Variants in CLASP2 observed in about 807,000 individuals in gnomAD.
CLASP2 encodes the protein cytoplasmic linker associated protein 2, also known as CLIP-associating protein 2.
Under a neutral mutation model 194.4 loss-of-function variants are expected in CLASP2, and 47 were observed. That is an observed-to-expected ratio of 0.24 (90% CI 0.19 to 0.31). CLASP2 has a LOEUF of 0.31. Ranked by LOEUF, CLASP2 falls within the 10% of genes least tolerant of loss-of-function variation. CLASP2 has a pLI of 1.00. For synonymous variants in CLASP2, 619 were observed against 633.5 expected (o/e 0.98, Z 0.34); for missense variants, 1,445 against 1,823.6 (o/e 0.79, Z 3.78).
At chr3:33,560,288 G>A (rs2061604398) in intron 28 of CLASP2, among the ~76,000 whole-genome samples, 2 of 148,474 alleles carry the variant, frequency 1.3e-5, no homozygotes, top group South Asian at 2.1e-4. Context: ...TGTTGCCCAC[G>A]CTGGAGTGCA....
chr3:33,638,993 T>G lies in CLASP2; in HGVS notation c.862+5764A>C, dbSNP rs1359491134. Among the ~76,000 whole-genome samples the G allele has an allele frequency of 2.0e-5, 3 of 152,284 alleles. No individual in the cohort carries two copies. In the South Asian group the frequency reaches 6.2e-4, roughly 32 times the overall value. ...CCAAAATGCTAACAATAATTAACACTAGTTGGCAGAATAATGGGCAGGTAC... is the reference window on the plus strand; with the variant it reads ...CCAAAATGCTAACAATAATTAACACGAGTTGGCAGAATAATGGGCAGGTAC... On this transcript the variant is annotated intron_variant, in intron 8 of 38. Transcript: ENST00000682230.
chr3:33,659,564 T>G, intron 7 of CLASP2: 1 of 236,272 alleles, frequency 4.2e-6, no homozygotes, highest in South Asian at 1.5e-4. Flanking sequence ...TAGCCCAGTT[T>G]CCATGATTAA....
At chr3:33,648,977 C>T (rs1447699529) in intron 7 of CLASP2, among the ~76,000 whole-genome samples, 3 of 152,240 alleles carry the variant, frequency 2.0e-5, no homozygotes, top group East Asian at 1.9e-4. Flanking sequence ...GTTCAAAATC[C>T]TCCTATGACT....
intron 25 of CLASP2, among the ~76,000 whole-genome samples, chr3:33,571,501 G>A (rs1186936815): frequency 6.6e-6 from 1 of 151,782 alleles, no homozygotes; most frequent in Non-Finnish European, 1.5e-5. Context: ...TGGTCATGGT[G>A]GCACACGTCT....
chr3:33,705,469 G>A (rs888243822), intron 1 of CLASP2, among the ~76,000 whole-genome samples: 2 of 152,174 alleles, frequency 1.3e-5, no homozygotes, highest in African/African-American at 2.4e-5. Flanking sequence ...AAAATTTACT[G>A]TGGTGATGGG....
intron 6 of CLASP2, among the ~76,000 whole-genome samples, chr3:33,673,167 A>G (rs2087721119): frequency 6.6e-6 from 1 of 152,216 alleles, no homozygotes; most frequent in Non-Finnish European, 1.5e-5. Context: ...GAAATGAAGG[A>G]AAAAATGTTA....
chr3:33,598,039 C>T (rs2154248392), intron 18 of CLASP2, among the ~76,000 whole-genome samples: 1 of 152,230 alleles, frequency 6.6e-6, no homozygotes, highest in East Asian at 1.9e-4. Context: ...ACGTGTGAGC[C>T]ACTGTGCCCA....
chr3:33,644,050 A>G (rs377363190), intron 8 of CLASP2, among the ~76,000 whole-genome samples: 103 of 152,236 alleles, frequency 6.8e-4, no homozygotes, highest in Non-Finnish European at 1.4e-3. Context: ...GATTCATTCT[A>G]TCAGAAAGAT....
Position 33,696,860 on chromosome 3 carries a change from G to A in CLASP2, c.269C>T (p.Ala90Val). Residue 90 changes from alanine to valine, a missense_variant, in exon 2 of 39, where the codon GCA (alanine) becomes GTA (valine). Physicochemically the swap from Ala to Val is moderately conservative, Grantham distance 64 (BLOSUM62 0). Transcript: ENST00000682230. ...RLSTRFKSYV[A>V]MVIVALIDRM... ...AATAAACAAAGTTAACTTACCCATT[G>A]CTACATAGGATTTAAAGCGTGTTGA... 6.3e-7 allele frequency: 1 copy of A among 1,580,856 alleles called. No individual in the cohort carries two copies.
intron 27 of CLASP2, among the ~76,000 whole-genome samples, chr3:33,564,613 CAG>C (rs1491137508): frequency 1.3e-5 from 2 of 152,112 alleles, no homozygotes; most frequent in Admixed American, 1.3e-4. Context: ...ACTTTTGAGA[CAG>C]AGTCTCACTC....
chr3:33,632,469 A>G, intron 8 of CLASP2, 98 bp from the exon 9 acceptor site: 2 of 835,030 alleles, frequency 2.4e-6, no homozygotes, highest in South Asian at 3.8e-5. Flanking sequence ...TATCAACAAA[A>G]GTATAATTTT....
At position 33,688,335 on chromosome 3, in the gene CLASP2, G is replaced by C; in HGVS notation, c.412C>G (p.His138Asp). 1 of 1,592,386 alleles carries C rather than the reference G, an allele frequency of 6.3e-7. No individual in the cohort carries two copies. Among genetic ancestry groups the C allele is most frequent in the Non-Finnish European group, 8.6e-7 (1 of 1,168,492 alleles). ...CCTTCTCGAGATCGAAAATTCTTGT[G>C]TTTAAAACCAGAAGCCAACTGCTCC... The part of the protein sequence containing the change: ...IWEQLASGFK[H>D]KNFRSREGVC... Residue 138 changes from histidine (H) to aspartate (D), a missense_variant, in exon 4 of 39, where the codon CAC (histidine) becomes GAC (aspartate). Physicochemically the swap from His to Asp is moderately conservative, Grantham distance 81 (BLOSUM62 -1). This residue lies in a region of CLASP2 where 332 missense variants were observed against 325.3 expected (regional missense o/e 1.02). Transcript: ENST00000682230.
intron 6 of CLASP2, among the ~76,000 whole-genome samples, chr3:33,674,935 G>T (rs1575495243): frequency 6.6e-6 from 1 of 152,108 alleles, no homozygotes; most frequent in East Asian, 1.9e-4. Flanking sequence ...TGAAATTGTG[G>T]CAATAATCAA....
At chr3:33,500,998 G>A (rs907990395) in intron 38 of CLASP2, among the ~76,000 whole-genome samples, 3 of 152,032 alleles carry the variant, frequency 2.0e-5, no homozygotes, top group African/African-American at 7.3e-5. Context: ...CTCCCACCTC[G>A]GCCTCCCAAA....
chr3:33,595,522 C>A (rs1458914092), intron 19 of CLASP2, among the ~76,000 whole-genome samples: 2 of 152,016 alleles, frequency 1.3e-5, no homozygotes, highest in African/African-American at 2.4e-5. Context: ...ATGTGCATTC[C>A]TTAAGATGTC....
intron 24 of CLASP2, chr3:33,574,580 A>G: frequency 1.4e-6 from 1 of 716,518 alleles, no homozygotes; most frequent in Non-Finnish European, 2.3e-6. Context: ...AGGCATTAAC[A>G]ATGCCTATGA....
intron 10 of CLASP2, among the ~76,000 whole-genome samples, chr3:33,626,269 T>C (rs1050774424): frequency 1.3e-5 from 2 of 152,122 alleles, no homozygotes; most frequent in East Asian, 1.9e-4. Context: ...ATCAGCCAGA[T>C]TGGGACCTCT....
At chr3:33,659,199 G>A in intron 7 of CLASP2, 1 of 1,365,504 alleles carries the variant, frequency 7.3e-7, no homozygotes, top group East Asian at 2.6e-5. Context: ...GAAAACCCTC[G>A]TTTATTTAGC....
chr3:33,639,248 G>T (rs1168121260), intron 8 of CLASP2, among the ~76,000 whole-genome samples: 1 of 152,048 alleles, frequency 6.6e-6, no homozygotes. Flanking sequence ...TGTACAGACA[G>T]GGTTTTGCCA....
Sources: allele counts gnomAD v4.1 joint callset (sites outside exome capture counted in the v4.1 genomes callset), GRCh38; gene constraint gnomAD v4.1.1; regional missense constraint gnomAD v4.1.1; transcripts MANE v1.5; gene names NCBI Gene and HGNC (gene_info 2026-07-23, HGNC 2026-07-21).